The following CNTN3 variants were observed in gnomAD, a reference collection of about 807,000 sequenced individuals.
CNTN3 encodes contactin 3.
Under a neutral mutation model 119.1 loss-of-function variants are expected in CNTN3, and 60 were observed. The observed-to-expected ratio is 0.50, with a 90% CI of 0.41 to 0.62. CNTN3 has a LOEUF of 0.62. CNTN3 is among the 20% of genes least tolerant of loss of function. The pLI, the probability that CNTN3 is intolerant of heterozygous loss-of-function variation, is 0.00. For synonymous variants in CNTN3, 450 were observed against 438.7 expected (o/e 1.03, Z -0.32); for missense variants, 1,101 against 1,242.4 (o/e 0.89, Z 1.71).
At chr3:74,456,261 A>T (rs2106961613) in intron 4 of CNTN3, among the ~76,000 whole-genome samples, 1 of 152,146 alleles carries the variant, frequency 6.6e-6, no homozygotes, top group Middle Eastern at 3.4e-3. Flanking sequence ...AGAAAAAAGC[A>T]ATTTAAGAAT....
intron 1 of CNTN3, among the ~76,000 whole-genome samples, chr3:74,580,021 G>A (rs571803018): frequency 1.3e-5 from 2 of 152,208 alleles, no homozygotes; most frequent in Admixed American, 6.5e-5. Context: ...CAGAGAGGGA[G>A]AATGCAAAAT....
intron 20 of CNTN3, among the ~76,000 whole-genome samples, chr3:74,277,153 C>A (rs1388684763): frequency 1.3e-5 from 2 of 152,044 alleles, no homozygotes; most frequent in Non-Finnish European, 2.9e-5. Context: ...AAATTACCGA[C>A]TAAAAAAGTT....
At chr3:74,483,262 T>A (rs1170486597) in intron 4 of CNTN3, among the ~76,000 whole-genome samples, 2 of 152,064 alleles carry the variant, frequency 1.3e-5, no homozygotes, top group Admixed American at 1.3e-4. Flanking sequence ...AGGTTTGCTT[T>A]ACGAAAGGGA....
At chr3:74,579,851 AAAG>A (rs1704475326) in intron 1 of CNTN3, among the ~76,000 whole-genome samples, 2 of 152,296 alleles carry the variant, frequency 1.3e-5, no homozygotes, top group African/African-American at 4.8e-5. Context: ...TTTAGGAACA[AAAG>A]AAGAGGAACA....
At chr3:74,288,149 C>A (rs1289612419) in intron 19 of CNTN3, among the ~76,000 whole-genome samples, 1 of 130,106 alleles carries the variant, frequency 7.7e-6, no homozygotes, top group Admixed American at 7.7e-5. Flanking sequence ...TTTTTCTTTT[C>A]TTTTCTTTTC....
At chr3:74,324,868 T>C (rs1014732321) in intron 13 of CNTN3, among the ~76,000 whole-genome samples, 1 of 152,140 alleles carries the variant, frequency 6.6e-6, no homozygotes, top group Non-Finnish European at 1.5e-5. Context: ...CTGTGAAAGG[T>C]GGAGCCTGTA....
Position 74,263,673 on chromosome 3 carries a change from A to G in CNTN3, c.*728T>C, listed in dbSNP as rs1701617589. On this transcript the variant is annotated 3_prime_UTR_variant, in exon 23 of 23. Transcript: ENST00000263665. ...TCATGCTAATATTTTGCATGGGTCA[A>G]TTGCATTTGGGGTGACAAAAGCACT... is the stretch of plus-strand genomic sequence containing the variant. 2 of 152,056 alleles carry G rather than the reference A, an allele frequency of 1.3e-5. No individual in the cohort carries two copies. The highest frequency in any genetic ancestry group is 2.9e-5 in the Non-Finnish European group (2 of 67,980). 9.4% of individuals were successfully genotyped at this position (152,056 alleles called of 1,614,324 possible).
At chr3:74,477,850 A>G (rs1702687425) in intron 4 of CNTN3, among the ~76,000 whole-genome samples, 1 of 152,106 alleles carries the variant, frequency 6.6e-6, no homozygotes, top group Non-Finnish European at 1.5e-5. Flanking sequence ...TAAAAATTTA[A>G]AAAAATTAAA....
intron 3 of CNTN3, among the ~76,000 whole-genome samples, chr3:74,487,885 C>T (rs1029190993): frequency 7.3e-5 from 11 of 151,598 alleles, no homozygotes; most frequent in African/African-American, 2.4e-4. Context: ...AGTTAGATAC[C>T]ATTTATGTGA....
chr3:74,474,074 T>C lies in CNTN3; in HGVS notation c.358+12382A>G, dbSNP rs115525526. Among the ~76,000 whole-genome samples the C allele has an allele frequency of 9.0e-3, 1,376 of 152,108 alleles. 11 individuals are homozygous for C. Among genetic ancestry groups the C allele is most frequent in the Non-Finnish European group, 0.015 (1,002 of 67,996 alleles). ...AGTGGGGCAGTACTAGAAAGAGTGA[T>C]AGTTACAGGATATGTCAGAAGCTAT... On this transcript the variant is annotated intron_variant, in intron 4 of 22. Coordinates refer to ENST00000263665, the MANE Select transcript of CNTN3 (RefSeq NM_020872.3).
In CNTN3 at chr3:74,280,595, C is replaced by T. The variant is rs1039417606; in HGVS notation, c.2704+4710G>A. 4.6e-5 allele frequency among the ~76,000 whole-genome samples: 7 copies of T among 152,182 alleles called. No individual in the cohort carries two copies. The South Asian group carries it at 8.3e-4, about 18-fold the overall frequency. On this transcript the variant is annotated intron_variant, in intron 20 of 22. Coordinates refer to ENST00000263665, the MANE Select transcript of CNTN3 (RefSeq NM_020872.3). Reference sequence around the variant, plus strand: ...GGTGCTGGTGGCAATCTTTCTGCCACGAAGAGAGAACTTGGTTAGAGTGAT... The same window carrying T: ...GGTGCTGGTGGCAATCTTTCTGCCATGAAGAGAGAACTTGGTTAGAGTGAT...
chr3:74,280,332 A>G (rs1184741351), intron 20 of CNTN3, among the ~76,000 whole-genome samples: 1 of 152,202 alleles, frequency 6.6e-6, no homozygotes, highest in African/African-American at 2.4e-5. Flanking sequence ...TTCCCCAAGT[A>G]TACTCACACA....
At chr3:74,557,638 C>T (rs768196894) in intron 1 of CNTN3, among the ~76,000 whole-genome samples, 3 of 151,490 alleles carry the variant, frequency 2.0e-5, no homozygotes, top group East Asian at 1.9e-4. Context: ...GTAACATTTC[C>T]GCCAGGAACA....
intron 1 of CNTN3, among the ~76,000 whole-genome samples, chr3:74,571,523 A>T (rs78409335): frequency 6.6e-6 from 1 of 152,160 alleles, no homozygotes; most frequent in Admixed American, 6.6e-5. Flanking sequence ...TAACATGAGA[A>T]TTCTTCCATT....
At chr3:74,593,628 G>C (rs1382225449) in intron 1 of CNTN3, among the ~76,000 whole-genome samples, 1 of 151,888 alleles carries the variant, frequency 6.6e-6, no homozygotes, top group Non-Finnish European at 1.5e-5. Flanking sequence ...AATTTCACAA[G>C]AGTTATGACA....
intron 1 of CNTN3, among the ~76,000 whole-genome samples, chr3:74,544,392 TA>T (rs1703884563): frequency 6.6e-6 from 1 of 152,174 alleles, no homozygotes; most frequent in Admixed American, 6.5e-5. Flanking sequence ...GCTTTTAATG[TA>T]GTATTTATAG....
chr3:74,521,143 G>GCATT lies in CNTN3; in HGVS notation c.-32_-31insAATG. The GCATT allele has an allele frequency of 6.9e-7, 1 of 1,452,408 alleles. No homozygotes were observed. The highest frequency in any genetic ancestry group is 9.6e-7 in the Non-Finnish European group (1 of 1,046,406). The allele number at this position is 1,452,408 out of a possible 1,614,324, so 90.0% of individuals were successfully genotyped here. A position where few individuals can be genotyped will look rare whatever the true frequency, so the allele number is the denominator to read the frequency against. ...ATTGCCAAATGCAAGAGTAACTCTT[G>GCATT]TCCAGTCTCTGATGAATAGAATGCT... On this transcript the variant is annotated 5_prime_UTR_variant, in exon 2 of 23. In the 5' UTR this introduces an upstream ATG that the reference lacks. Coordinates refer to ENST00000263665, the MANE Select transcript of CNTN3 (RefSeq NM_020872.3).
chr3:74,594,997 C>T (rs1342074090), intron 1 of CNTN3, among the ~76,000 whole-genome samples: 2,402 of 151,656 alleles, frequency 0.016, 59 homozygotes, highest in African/African-American at 0.055. Flanking sequence ...TTCTAACTGG[C>T]GTGAGATGGT....
At position 74,365,692 on chromosome 3, in the gene CNTN3, A is replaced by G. The variant is rs781120970; in HGVS notation, c.957T>C (p.His319=). ...RGRLTYYAKP[H]WVQLIKDVEI... is the part of the protein sequence containing the mutation. ...CCACATCCTTTATGAGTTGAACCCAATGGGGCTTTGCTTCAATGAAAGAAA... is the reference window on the plus strand; with the variant it reads ...CCACATCCTTTATGAGTTGAACCCAGTGGGGCTTTGCTTCAATGAAAGAAA... The change falls in exon 9 of 23, where the codon CAT becomes CAC. Residue 319 remains histidine (H), a synonymous_variant. Coordinates refer to ENST00000263665, the MANE Select transcript of CNTN3 (RefSeq NM_020872.3). 6.8e-5 allele frequency: 109 copies of G among 1,609,756 alleles called. No homozygotes were observed. The highest frequency in any genetic ancestry group is 8.7e-5 in the Non-Finnish European group (102 of 1,177,732).
Sources: gnomAD v4.1 joint callset for allele counts (sites outside exome capture counted in the v4.1 genomes callset) on GRCh38, gnomAD v4.1.1 for gene constraint, MANE v1.5 for transcripts, NCBI Gene and HGNC (gene_info 2026-07-23, HGNC 2026-07-21) for gene names.